WDR7: variants seen among roughly 807,000 people sequenced by gnomAD.
WDR7 encodes the protein WD repeat-containing protein 7.
A neutral mutation model predicts 169.4 loss-of-function variants in WDR7; 46 were observed. The ratio of observed to expected loss-of-function variants is 0.27; its 90% CI spans 0.21 to 0.35. The LOEUF (loss-of-function observed/expected upper bound fraction) is 0.35. Ranked by LOEUF, WDR7 falls within the 10% of genes least tolerant of loss-of-function variation. The pLI is 1.00. For missense variants in WDR7, 1,534 were observed against 1,859.3 expected (o/e 0.83, Z 3.22); for synonymous variants, 612 against 666.8 (o/e 0.92, Z 1.27).
In WDR7 at chr18:56,915,308, G is replaced by T. The variant is rs552457698; in HGVS notation, c.3527-8614G>T. 1.8e-4 allele frequency among the ~76,000 whole-genome samples: 27 copies of T among 152,174 alleles called. No individual in the cohort carries two copies. In the East Asian group the frequency reaches 4.8e-3, roughly 27 times the overall value. On this transcript the variant is annotated intron_variant, in intron 21 of 27. Transcript: ENST00000254442. ...CACTGTGCCATCCTTGTTCTTTGAT[G>T]GACATTAGCAAGTGGGAAAAGGCTT...
intron 21 of WDR7, among the ~76,000 whole-genome samples, chr18:56,885,397 A>G (rs1156503444): frequency 2.0e-5 from 3 of 152,120 alleles, no homozygotes; most frequent in Non-Finnish European, 4.4e-5. Context: ...TATATAAGAT[A>G]TGAAGGGAAA....
chr18:56,815,074 A>G (rs1028408570), intron 19 of WDR7, among the ~76,000 whole-genome samples: 1 of 152,154 alleles, frequency 6.6e-6, no homozygotes, highest in Non-Finnish European at 1.5e-5. Flanking sequence ...TGAATTTCAC[A>G]TAAATGTTTA....
intron 21 of WDR7, among the ~76,000 whole-genome samples, chr18:56,915,743 T>C (rs2046615753): frequency 6.6e-6 from 1 of 152,250 alleles, no homozygotes. Context: ...TCTGGTTTTG[T>C]AATAATTCTA....
At chr18:56,672,365 A>T in intron 1 of WDR7, 132 bp from the exon 2 acceptor site, 1 of 664,312 alleles carries the variant, frequency 1.5e-6, no homozygotes, top group African/African-American at 2.2e-5. Flanking sequence ...GAAAATAATA[A>T]ATATTTAAGT....
intron 12 of WDR7, among the ~76,000 whole-genome samples, chr18:56,707,052 G>A (rs2025974180): frequency 6.6e-6 from 1 of 151,570 alleles, no homozygotes; most frequent in Non-Finnish European, 1.5e-5. Flanking sequence ...TGTGATCTCA[G>A]TTCACTGCAA....
intron 26 of WDR7, among the ~76,000 whole-genome samples, chr18:56,990,879 C>G (rs1390842040): frequency 6.6e-6 from 1 of 152,174 alleles, no homozygotes; most frequent in Non-Finnish European, 1.5e-5. Context: ...ACCCCAGGAC[C>G]TTTGCATATG....
intron 22 of WDR7, among the ~76,000 whole-genome samples, chr18:56,926,560 A>G (rs2046811823): frequency 6.6e-6 from 1 of 152,204 alleles, no homozygotes; most frequent in African/African-American, 2.4e-5. Context: ...GGCTTGTACC[A>G]GCAAGCATAA....
rs535210899 is a variant in WDR7, at chr18:56,979,930, A to T, written c.4164+17401A>T. Among the ~76,000 whole-genome samples, 26 of 152,334 alleles carry T rather than the reference A, an allele frequency of 1.7e-4. No homozygotes were observed. In the South Asian group the frequency reaches 5.4e-3, roughly 32 times the overall value. On this transcript the variant is annotated intron_variant, in intron 26 of 27. Transcript: ENST00000254442. ...AGTTTGTTACTATATCCTTCATGATATACTAAAAGTAATTATGCACCACGG... is the reference window on the plus strand; with the variant it reads ...AGTTTGTTACTATATCCTTCATGATTTACTAAAAGTAATTATGCACCACGG...
chr18:57,027,127 C>G lies in WDR7; in HGVS notation c.4393C>G (p.Leu1465Val). 3.7e-6 allele frequency: 6 copies of G among 1,614,234 alleles called. No homozygotes were observed. Among genetic ancestry groups the G allele is most frequent in the Non-Finnish European group, 5.1e-6 (6 of 1,180,042 alleles). ...ASPGSHNALK[L>V]ARLIWTSNRN... ...CCCCGGCTCCCACAATGCCCTCAAG[C>G]TGGCCCGGCTCATCTGGACTTCCAA... Residue 1465 changes from leucine to valine, a missense_variant, in exon 28 of 28, where the codon CTG (leucine) becomes GTG (valine). Leu to Val is a conservative substitution (Grantham distance 32, BLOSUM62 1). Transcript: ENST00000254442.
intron 24 of WDR7, 136 bp downstream of exon 24, chr18:56,938,818 T>TGC: frequency 1.2e-6 from 1 of 823,214 alleles, no homozygotes. Context: ...AGTGTGTGTG[T>TGC]GTGTGTGTGT....
chr18:56,856,879 A>G (rs2145392929), intron 20 of WDR7, among the ~76,000 whole-genome samples: 1 of 152,266 alleles, frequency 6.6e-6, no homozygotes, highest in Non-Finnish European at 1.5e-5. Flanking sequence ...AAAGTTTTTT[A>G]TGGTTACTTT....
chr18:56,910,584 T>A (rs1261708109), intron 21 of WDR7, among the ~76,000 whole-genome samples: 1 of 152,200 alleles, frequency 6.6e-6, no homozygotes, highest in Non-Finnish European at 1.5e-5. Context: ...GAAATGCTAG[T>A]TGTAATTGTC....
intron 19 of WDR7, among the ~76,000 whole-genome samples, chr18:56,791,920 T>G (rs1158934991): frequency 6.6e-6 from 1 of 152,206 alleles, no homozygotes; most frequent in Non-Finnish European, 1.5e-5. Flanking sequence ...CCTTGTCTCC[T>G]CAACCAAGAA....
chr18:56,927,198 A>G (rs915631577), intron 22 of WDR7, among the ~76,000 whole-genome samples: 1 of 152,116 alleles, frequency 6.6e-6, no homozygotes, highest in African/African-American at 2.4e-5. Context: ...TGCCTTGTCT[A>G]GAGAACACAT....
At chr18:56,715,227 C>CAG (rs1021863260) in intron 12 of WDR7, among the ~76,000 whole-genome samples, 1 of 151,858 alleles carries the variant, frequency 6.6e-6, no homozygotes, top group Admixed American at 6.6e-5. Flanking sequence ...AGATCTTTGA[C>CAG]AGAGAGAGAG....
rs71169393 is a variant in WDR7, at chr18:56,754,247, T to TTGTG, written c.1990-2300_1990-2297dup. Among the ~76,000 whole-genome samples, 1,327 of 141,660 alleles carry TTGTG rather than the reference T, an allele frequency of 9.4e-3. 11 individuals carry two copies. Among genetic ancestry groups the TTGTG allele is most frequent in the East Asian group, 0.03 (141 of 4,750 alleles). 92.9% of individuals were successfully genotyped at this position (141,660 alleles called of 152,430 possible). A position where few individuals can be genotyped will look rare whatever the true frequency, so the allele number is the denominator to read the frequency against. On this transcript the variant is annotated intron_variant, in intron 14 of 27. Coordinates refer to ENST00000254442, the MANE Select transcript of WDR7 (RefSeq NM_015285.3). ...TATATCTTGGAGGATGTTTTGTGCT[T>TTGTG]TGTGTGTGTGTGTGTGTGTGTGTGT... is the stretch of plus-strand genomic sequence containing the variant.
chr18:56,783,571 A>G (rs370354629), intron 19 of WDR7, among the ~76,000 whole-genome samples: 36 of 152,332 alleles, frequency 2.4e-4, no homozygotes, highest in East Asian at 2.3e-3. Flanking sequence ...TGGTGCTTTT[A>G]AGACATCTTT....
chr18:56,896,639 G>GA (rs1208745962), intron 21 of WDR7, among the ~76,000 whole-genome samples: 4 of 151,590 alleles, frequency 2.6e-5, no homozygotes, highest in African/African-American at 9.7e-5. Flanking sequence ...CTAACCACAA[G>GA]AAAAAATAAT....
At chr18:56,735,517 A>G (rs1053410148) in intron 14 of WDR7, among the ~76,000 whole-genome samples, 1 of 152,142 alleles carries the variant, frequency 6.6e-6, no homozygotes, top group Admixed American at 6.5e-5. Context: ...GCTGGAGTGT[A>G]GAGCCTGACT....
Sources: gnomAD v4.1 joint callset for allele counts (sites outside exome capture counted in the v4.1 genomes callset) on GRCh38, gnomAD v4.1.1 for gene constraint, MANE v1.5 for transcripts, NCBI Gene and HGNC (gene_info 2026-07-23, HGNC 2026-07-21) for gene names.